Variants in CEP290 observed in about 807,000 individuals in gnomAD.
The protein encoded by CEP290 is centrosomal protein of 290 kDa.
CEP290 carries 317 observed loss-of-function variants against 344.9 expected under a neutral mutation model. That is an observed-to-expected ratio of 0.92 (90% CI 0.84 to 1.01). The LOEUF (loss-of-function observed/expected upper bound fraction) is 1.01. Among genes scored for constraint, CEP290 ranks in the 50% least tolerant of loss-of-function variants. The pLI is 0.00. For synonymous variants in CEP290, 932 were observed against 895.8 expected (o/e 1.04, Z -0.72); for missense variants, 2,754 against 2,761.4 (o/e 1.00, Z 0.06).
intron 41 of CEP290, among the ~76,000 whole-genome samples, chr12:88,076,629 A>T (rs2035797830): frequency 7.0e-6 from 1 of 141,880 alleles, no homozygotes; most frequent in South Asian, 2.3e-4. Context: ...GGGTTATTTC[A>T]ATCAGTAATT....
chr12:88,096,076 C>A (rs1174546962), intron 27 of CEP290, among the ~76,000 whole-genome samples: 1 of 150,772 alleles, frequency 6.6e-6, no homozygotes, highest in African/African-American at 2.4e-5. Context: ...GAGACGGAGT[C>A]TCACTCTTAT....
intron 11 of CEP290, 84 bp downstream of exon 11, chr12:88,128,862 T>C (rs1231775818): frequency 1.3e-6 from 1 of 748,616 alleles, no homozygotes; most frequent in Non-Finnish European, 2.1e-6. Flanking sequence ...TAAACCAGTA[T>C]AAGACATTTA....
chr12:88,056,390 A>T (rs2034006191), intron 49 of CEP290, among the ~76,000 whole-genome samples: 1 of 152,200 alleles, frequency 6.6e-6, no homozygotes, highest in Non-Finnish European at 1.5e-5. Context: ...GAAAGACTGC[A>T]TTCTAAGTTA....
At chr12:88,139,414 T>C in intron 4 of CEP290, 81 bp downstream of exon 4, 1 of 805,336 alleles carries the variant, frequency 1.2e-6, no homozygotes. Context: ...TTTTATAGAA[T>C]ATAATTTAAT....
At chr12:88,053,620 G>A in intron 52 of CEP290, 32 bp downstream of exon 52, 2 of 1,135,184 alleles carry the variant, frequency 1.8e-6, no homozygotes, top group African/African-American at 1.6e-5. Flanking sequence ...AAAAACTTGG[G>A]GGTAGCTAAC....
At chr12:88,060,710 A>G (rs990600071) in intron 47 of CEP290, 120 bp downstream of exon 47, 3 of 677,334 alleles carry the variant, frequency 4.4e-6, no homozygotes, top group Non-Finnish European at 7.0e-6. Flanking sequence ...CTATATTTAT[A>G]AAATATGTAT....
At chr12:88,132,372 T>G (rs1157590075) in intron 6 of CEP290, among the ~76,000 whole-genome samples, 1 of 152,136 alleles carries the variant, frequency 6.6e-6, no homozygotes, top group Non-Finnish European at 1.5e-5. Flanking sequence ...TTGACAGAAC[T>G]TTGGATATTG....
chr12:88,071,134 C>T (rs186112509), intron 43 of CEP290, among the ~76,000 whole-genome samples, 160 bp downstream of exon 43: 78 of 149,912 alleles, frequency 5.2e-4, no homozygotes, highest in Middle Eastern at 6.8e-3. Context: ...CAAAAATACA[C>T]CAAAATTATG....
chr12:88,059,155 C>A (rs997018203), intron 48 of CEP290, 135 bp from the exon 49 acceptor site: 3 of 643,382 alleles, frequency 4.7e-6, no homozygotes, highest in Admixed American at 3.5e-5. Flanking sequence ...AAAATTTCAA[C>A]AAATTCAACA....
Position 88,102,843 on chromosome 12 carries a change from G to C in CEP290, c.2986C>G (p.Leu996Val). 1 of 1,608,470 alleles carries C rather than the reference G, an allele frequency of 6.2e-7. No homozygotes were observed. Among genetic ancestry groups the C allele is most frequent in the Non-Finnish European group, 8.5e-7 (1 of 1,177,606 alleles). ...LVQRTSNLEH[L>V]ECENISLKEQ... The stretch of plus-strand genomic sequence containing the variant: ...CAAGAATCACACAAACTTACCTCCA[G>C]GTGTTCCAAGTTACTTGTTCTTTGA... Residue 996 changes from leucine (L) to valine (V), a missense_variant, in exon 26 of 54, where the codon CTG becomes GTG. Physicochemically the swap from Leu to Val is conservative, Grantham distance 32 (BLOSUM62 1). Transcript: ENST00000552810.
intron 50 of CEP290, 21 bp downstream of exon 50, chr12:88,055,555 A>G (rs747155823): frequency 3.9e-6 from 6 of 1,547,962 alleles, no homozygotes; most frequent in Non-Finnish European, 5.2e-6. Context: ...TTATCATGTA[A>G]AGAAAAATTA....
chr12:88,127,055 C>A (rs1467758937), intron 11 of CEP290, among the ~76,000 whole-genome samples: 1 of 5,000 alleles, frequency 2.0e-4, no homozygotes. Flanking sequence ...CAAATTAAAA[C>A]AAGTATACAC....
chr12:88,072,765 AGAACAAAT>A (rs912805821), intron 41 of CEP290, among the ~76,000 whole-genome samples: 2 of 152,194 alleles, frequency 1.3e-5, no homozygotes, highest in African/African-American at 4.8e-5. Flanking sequence ...CAATAGGAAT[AGAACAAAT>A]GAATAAAATC....
intron 37 of CEP290, among the ~76,000 whole-genome samples, chr12:88,081,982 G>T (rs1451916052): frequency 6.6e-6 from 1 of 152,148 alleles, no homozygotes; most frequent in East Asian, 1.9e-4. Flanking sequence ...TCTTAACAGT[G>T]GCAGCTCCTT....
intron 49 of CEP290, among the ~76,000 whole-genome samples, chr12:88,056,042 C>A (rs2033975624): frequency 6.6e-6 from 1 of 151,826 alleles, no homozygotes; most frequent in South Asian, 2.1e-4. Flanking sequence ...ATATAAAATT[C>A]TGTATTACTA....
intron 45 of CEP290, among the ~76,000 whole-genome samples, chr12:88,063,627 C>T (rs1056834899): frequency 2.6e-5 from 4 of 151,950 alleles, no homozygotes; most frequent in African/African-American, 9.7e-5. Context: ...AGTTACACCC[C>T]TTCTCTCTCC....
At chr12:88,071,470 T>A in intron 42 of CEP290, 21 bp from the exon 43 acceptor site, 2 of 1,576,880 alleles carry the variant, frequency 1.3e-6, no homozygotes, top group South Asian at 2.4e-5. Context: ...TAATATAGAA[T>A]CATGAAATAT....
intron 23 of CEP290, among the ~76,000 whole-genome samples, chr12:88,107,692 GGAA>G (rs1249792319): frequency 6.6e-6 from 1 of 151,742 alleles, no homozygotes; most frequent in Non-Finnish European, 1.5e-5. Context: ...CTTGAGGCTA[GGAA>G]TTTTGAGACT....
chr12:88,063,752 G>A (rs886546803), intron 45 of CEP290, among the ~76,000 whole-genome samples: 4 of 152,046 alleles, frequency 2.6e-5, no homozygotes, highest in Non-Finnish European at 4.4e-5. Context: ...TAAGTCCTAT[G>A]AGTATAAGGA....
Sources: gnomAD v4.1 joint callset for allele counts (sites outside exome capture counted in the v4.1 genomes callset) on GRCh38, gnomAD v4.1.1 for gene constraint, MANE v1.5 for transcripts, NCBI Gene and HGNC (gene_info 2026-07-23, HGNC 2026-07-21) for gene names.